The following EYS variants were observed in gnomAD, a reference collection of about 807,000 sequenced individuals.
EYS encodes protein eyes shut homolog.
In EYS, 250 loss-of-function variants were observed where a neutral mutation model predicts 282.1. That is an observed-to-expected ratio of 0.89 (90% confidence interval 0.80 to 0.98). The LOEUF (loss-of-function observed/expected upper bound fraction) is 0.98, where lower values mean the gene tolerates loss of function less well. EYS is among the 50% of genes least tolerant of loss of function. EYS has a pLI of 0.00. For synonymous variants in EYS, 1,355 were observed against 1,282.9 expected, an observed-to-expected ratio of 1.06 and a Z score of -1.20; for missense variants, 4,016 against 3,709.0, an observed-to-expected ratio of 1.08 and a Z score of -2.15.
intron 12 of EYS, among the ~76,000 whole-genome samples, chr6:65,058,683 T>C (rs937994525): frequency 6.6e-6 from 1 of 150,848 alleles, no homozygotes; most frequent in Non-Finnish European, 1.5e-5. Context: ...TGTTGTCCAA[T>C]TCATATTTTC....
At chr6:64,828,640 A>G (rs1336390202) in intron 19 of EYS, among the ~76,000 whole-genome samples, 1 of 152,022 alleles carries the variant, frequency 6.6e-6, no homozygotes, top group Non-Finnish European at 1.5e-5. Context: ...TGGGACATCA[A>G]GTATCCATGT....
At chr6:64,708,759 T>C (rs982094196) in intron 22 of EYS, among the ~76,000 whole-genome samples, 1 of 152,184 alleles carries the variant, frequency 6.6e-6, no homozygotes, top group Non-Finnish European at 1.5e-5. Context: ...ACAAGGACTG[T>C]CTGCATTGTC....
intron 22 of EYS, among the ~76,000 whole-genome samples, chr6:64,726,769 A>G (rs1402220055): frequency 6.6e-6 from 1 of 152,188 alleles, no homozygotes; most frequent in Non-Finnish European, 1.5e-5. Flanking sequence ...CATAGCCGAA[A>G]GCAGATATAA....
intron 1 of EYS, among the ~76,000 whole-genome samples, chr6:65,653,106 T>A (rs11758603): frequency 0.023 from 3,447 of 152,012 alleles, 62 homozygotes; most frequent in Middle Eastern, 0.041. Context: ...AGATTCTGGA[T>A]ACTACCTAAT....
rs114174843 is a variant in EYS at position 65,165,194 on chromosome 6, G to A, written c.2024-107467C>T. Among the ~76,000 whole-genome samples the A allele has an allele frequency of 6.3e-3, 944 of 150,834 alleles. 12 individuals are homozygous for A. Among genetic ancestry groups the A allele is most frequent in the African/African-American group, 0.022 (894 of 41,314 alleles). ...CCATAACTCCATTAAGCTAACTCTT[G>A]ACAAATGATGTTTTTGTAAATGTTT... is the stretch of plus-strand genomic sequence containing the variant. On this transcript the variant is annotated intron_variant, in intron 12 of 42. Coordinates refer to ENST00000503581, the MANE Select transcript of EYS (RefSeq NM_001142800.2).
At chr6:64,426,147 G>T (rs964888952) in intron 28 of EYS, among the ~76,000 whole-genome samples, 9 of 152,060 alleles carry the variant, frequency 5.9e-5, no homozygotes, top group Non-Finnish European at 1.0e-4. Flanking sequence ...AGAAGATAGA[G>T]TGTATTCACT....
At chr6:65,166,060 C>G (rs910413065) in intron 12 of EYS, among the ~76,000 whole-genome samples, 3 of 151,002 alleles carry the variant, frequency 2.0e-5, no homozygotes, top group Admixed American at 1.3e-4. Flanking sequence ...ATACTGTAAA[C>G]TACAAACTTC....
intron 41 of EYS, among the ~76,000 whole-genome samples, chr6:63,731,944 C>T (rs1045572688): frequency 1.3e-5 from 2 of 151,908 alleles, no homozygotes; most frequent in African/African-American, 2.4e-5. Flanking sequence ...TGCTGCTTTC[C>T]TTTGGCTGGA....
intron 15 of EYS, among the ~76,000 whole-genome samples, chr6:64,930,642 A>C (rs1005044092): frequency 6.6e-6 from 1 of 152,136 alleles, no homozygotes; most frequent in African/African-American, 2.4e-5. Context: ...AAGAGATGAA[A>C]ATTTTAATGC....
chr6:64,844,800 T>A (rs964218040), intron 19 of EYS, among the ~76,000 whole-genome samples: 2 of 152,174 alleles, frequency 1.3e-5, no homozygotes, highest in Non-Finnish European at 2.9e-5. Context: ...TTCAAATATA[T>A]TTCCTTCTCT....
intron 31 of EYS, among the ~76,000 whole-genome samples, chr6:64,217,026 T>C (rs1345097071): frequency 1.3e-5 from 2 of 152,198 alleles, no homozygotes; most frequent in Admixed American, 6.5e-5. Context: ...CTTGTAGTCA[T>C]AGAAGAAACA....
At chr6:63,933,529 T>C (rs1200356388) in intron 35 of EYS, among the ~76,000 whole-genome samples, 1 of 152,160 alleles carries the variant, frequency 6.6e-6, no homozygotes, top group Non-Finnish European at 1.5e-5. Flanking sequence ...TTATGGTGGC[T>C]TCATTATGTA....
chr6:64,251,902 T>C (rs547469684), intron 30 of EYS, among the ~76,000 whole-genome samples: 119 of 152,172 alleles, frequency 7.8e-4, no homozygotes, highest in African/African-American at 2.9e-3. Flanking sequence ...CAAAGAGAGG[T>C]CAACTGATTT....
At chr6:64,216,909 A>G (rs1765946129) in intron 31 of EYS, among the ~76,000 whole-genome samples, 1 of 152,136 alleles carries the variant, frequency 6.6e-6, no homozygotes, top group African/African-American at 2.4e-5. Context: ...AAGTTACATA[A>G]CTAATTGAGA....
At chr6:64,972,828 C>G (rs10485054) in intron 14 of EYS, among the ~76,000 whole-genome samples, 40,263 of 151,850 alleles carry the variant, frequency 0.27, 6,653 homozygotes, top group African/African-American at 0.46. Context: ...TGCAATTTAA[C>G]ATGTTACCTA....
intron 14 of EYS, among the ~76,000 whole-genome samples, chr6:64,953,094 C>A (rs544936168): frequency 6.6e-6 from 1 of 151,782 alleles, no homozygotes; most frequent in Non-Finnish European, 1.5e-5. Flanking sequence ...TTACAATCAA[C>A]CAAAAGCAGT....
At chr6:64,855,874 C>T (rs1295890650) in intron 19 of EYS, among the ~76,000 whole-genome samples, 2 of 152,152 alleles carry the variant, frequency 1.3e-5, no homozygotes, top group Non-Finnish European at 2.9e-5. Flanking sequence ...ATTATGTACT[C>T]TTTCCAGATT....
intron 22 of EYS, among the ~76,000 whole-genome samples, chr6:64,707,389 G>T (rs1311251024): frequency 1.3e-5 from 2 of 152,044 alleles, no homozygotes; most frequent in African/African-American, 4.8e-5. Context: ...CATATTGGGG[G>T]CCAGGCATGG....
At chr6:64,981,131 C>A (rs1323456965) in intron 14 of EYS, among the ~76,000 whole-genome samples, 1 of 151,144 alleles carries the variant, frequency 6.6e-6, no homozygotes. Flanking sequence ...AATTATTAAG[C>A]ATTGATTTTA....
Sources: gnomAD v4.1 joint callset for allele counts (sites outside exome capture counted in the v4.1 genomes callset) on GRCh38, gnomAD v4.1.1 for gene constraint, MANE v1.5 for transcripts, NCBI Gene and HGNC (gene_info 2026-07-23, HGNC 2026-07-21) for gene names.